Variants in RAD54B observed in about 807,000 individuals in gnomAD.
RAD54B encodes the protein DNA repair and recombination protein RAD54B.
A neutral mutation model predicts 95.8 loss-of-function variants in RAD54B; 78 were observed. The observed-to-expected ratio is 0.81, with a 90% confidence interval of 0.68 to 0.98. RAD54B has a LOEUF of 0.98. Among genes scored for constraint, RAD54B ranks in the 50% least tolerant of loss-of-function variants. The pLI is 0.00. For synonymous variants in RAD54B, 328 were observed against 354.9 expected, an observed-to-expected ratio of 0.92 and a Z score of 0.85; for missense variants, 957 against 1,056.6, an observed-to-expected ratio of 0.91 and a Z score of 1.31.
At chr8:94,464,487 G>C (rs143531567) in intron 2 of RAD54B, among the ~76,000 whole-genome samples, 1 of 152,180 alleles carries the variant, frequency 6.6e-6, no homozygotes, top group Admixed American at 6.5e-5. Flanking sequence ...TAATTCATTT[G>C]TGTTGTTTTA....
At position 94,431,149 on chromosome 8, in the gene RAD54B, A is replaced by G. The variant is rs1357355597; in HGVS notation, c.305-19834T>C. 4.3e-6 allele frequency: 4 copies of G among 923,768 alleles called. No homozygotes were observed. In the Admixed American group the frequency reaches 2.5e-4, roughly 57 times the overall value. 57.2% of individuals were successfully genotyped at this position (923,768 alleles called of 1,614,324 possible). A position where few individuals can be genotyped will look rare whatever the true frequency, so the allele number is the denominator to read the frequency against. On this transcript the variant is annotated intron_variant, in intron 3 of 14. Coordinates refer to ENST00000336148, the MANE Select transcript of RAD54B (RefSeq NM_012415.3). Reference sequence around the variant, plus strand: ...ATATAAATTTAATATGTATGCTTTAAGAATTGAGGTTTTATTTCCATGAAT... The same window carrying G: ...ATATAAATTTAATATGTATGCTTTAGGAATTGAGGTTTTATTTCCATGAAT...
intron 3 of RAD54B, chr8:94,427,990 T>C: frequency 1.1e-6 from 1 of 928,092 alleles, no homozygotes; most frequent in Non-Finnish European, 1.3e-6. Context: ...AGAAAAATAC[T>C]TGACTATTTT....
intron 3 of RAD54B, among the ~76,000 whole-genome samples, chr8:94,452,074 G>A (rs1420231105): frequency 6.6e-6 from 1 of 152,160 alleles, no homozygotes; most frequent in African/African-American, 2.4e-5. Context: ...GTTCATAGAT[G>A]GCACTGTCTC....
chr8:94,419,251 T>C (rs954670029), intron 3 of RAD54B, among the ~76,000 whole-genome samples: 1 of 152,224 alleles, frequency 6.6e-6, no homozygotes, highest in South Asian at 2.1e-4. Context: ...GGCTCACGCC[T>C]GTAATCCCAC....
At chr8:94,436,646 G>C in intron 3 of RAD54B, 1 of 1,550,530 alleles carries the variant, frequency 6.4e-7, no homozygotes. Flanking sequence ...TATTCTTTGA[G>C]CCTTTTATAA....
intron 3 of RAD54B, among the ~76,000 whole-genome samples, chr8:94,415,718 G>C: frequency 6.8e-6 from 1 of 147,272 alleles, no homozygotes; most frequent in Non-Finnish European, 1.5e-5. Flanking sequence ...GATATGAACA[G>C]ACACTTCTCA....
Position 94,372,241 on chromosome 8 carries a change from A to C in RAD54B, c.2662T>G (p.Phe888Val), listed in dbSNP as rs1477041500. Residue 888 changes from phenylalanine to valine, a missense_variant, in exon 15 of 15, where the codon TTT becomes GTT. Coordinates refer to ENST00000336148, the MANE Select transcript of RAD54B (RefSeq NM_012415.3). ...SGDHLNLTDP[F>V]LERITENVSF... Reference sequence around the variant, plus strand: ...ACATTTTCTGTTATTCTTTCAAGAAAAGGATCTGTAAGATTTAAATGATCT... The same window carrying C: ...ACATTTTCTGTTATTCTTTCAAGAACAGGATCTGTAAGATTTAAATGATCT... 6 of 1,612,368 alleles carry C rather than the reference A, an allele frequency of 3.7e-6. No homozygotes were observed. The highest frequency in any genetic ancestry group is 5.1e-6 in the Non-Finnish European group (6 of 1,179,542).
chr8:94,466,236 A>C, intron 2 of RAD54B, among the ~76,000 whole-genome samples: 1 of 152,230 alleles, frequency 6.6e-6, no homozygotes, highest in East Asian at 1.9e-4. Flanking sequence ...ATAACATAAA[A>C]GGATCAGGGA....
chr8:94,381,781 T>C (rs960289451), intron 11 of RAD54B, among the ~76,000 whole-genome samples: 4 of 152,084 alleles, frequency 2.6e-5, no homozygotes, highest in Non-Finnish European at 5.9e-5. Flanking sequence ...TGAGGTTCAA[T>C]ATCTGACTGA....
intron 3 of RAD54B, among the ~76,000 whole-genome samples, chr8:94,449,350 G>A (rs1812600003): frequency 6.6e-6 from 1 of 152,074 alleles, no homozygotes; most frequent in Non-Finnish European, 1.5e-5. Context: ...GCTCACGCCT[G>A]TAATCCCAGC....
At chr8:94,428,950 A>T in intron 3 of RAD54B, 8 of 983,230 alleles carry the variant, frequency 8.1e-6, no homozygotes, top group Non-Finnish European at 8.5e-6. Flanking sequence ...CAAATAAATA[A>T]TTTTCTTTAT....
At chr8:94,419,121 T>C (rs190788978) in intron 3 of RAD54B, among the ~76,000 whole-genome samples, 74 of 152,316 alleles carry the variant, frequency 4.9e-4, no homozygotes, top group African/African-American at 1.7e-3. Context: ...AGCCGACATA[T>C]TGCCAATATG....
intron 8 of RAD54B, among the ~76,000 whole-genome samples, chr8:94,394,752 G>A (rs1811103081): frequency 6.6e-6 from 1 of 152,166 alleles, no homozygotes; most frequent in Admixed American, 6.5e-5. Context: ...ATATCAGATG[G>A]CTTTCAAATA....
At chr8:94,393,904 T>A (rs1382608734) in intron 8 of RAD54B, 22 bp from the exon 9 acceptor site, 1 of 1,562,096 alleles carries the variant, frequency 6.4e-7, no homozygotes, top group Non-Finnish European at 8.6e-7. Context: ...CAAAAATGAG[T>A]AAAAGGTCAA....
chr8:94,380,396 C>T lies in RAD54B; in HGVS notation c.1996G>A (p.Val666Ile), dbSNP rs774280011. 1 of 1,588,108 alleles carries T rather than the reference C, an allele frequency of 6.3e-7. No individual in the cohort carries two copies. Among genetic ancestry groups the T allele is most frequent in the Non-Finnish European group, 8.6e-7 (1 of 1,165,176 alleles). ...TTCAAGGTTTGTGTATAGTTGGATA[C>T]CAACACCACCCTGTCAATCAAAAAG... ...ELRPTEKVVL[V>I]SNYTQTLNIL... Residue 666 changes from valine to isoleucine, a missense_variant, in exon 12 of 15, where the codon GTA becomes ATA. Coordinates refer to ENST00000336148, the MANE Select transcript of RAD54B (RefSeq NM_012415.3).
intron 3 of RAD54B, among the ~76,000 whole-genome samples, chr8:94,442,447 C>T (rs559829176): frequency 2.0e-5 from 3 of 152,002 alleles, no homozygotes; most frequent in South Asian, 2.1e-4. Context: ...TGGTGGCAGG[C>T]GCCTGTAGTC....
intron 3 of RAD54B, chr8:94,436,455 G>C (rs1289072424): frequency 6.7e-7 from 1 of 1,487,976 alleles, no homozygotes; most frequent in Admixed American, 2.4e-5. Context: ...ATAGATAGGA[G>C]GCGCCATAAT....
chr8:94,413,827 CTTTT>C (rs34318667), intron 3 of RAD54B, among the ~76,000 whole-genome samples: 1 of 139,164 alleles, frequency 7.2e-6, no homozygotes, highest in South Asian at 2.3e-4. Flanking sequence ...AATAATTATT[CTTTT>C]TTTTTTTTCT....
At chr8:94,464,353 G>T (rs1206944504) in intron 2 of RAD54B, among the ~76,000 whole-genome samples, 1 of 152,144 alleles carries the variant, frequency 6.6e-6, no homozygotes, top group Admixed American at 6.5e-5. Context: ...GGAATGTGGT[G>T]ACCTGTAGAA....
Sources: gnomAD v4.1 joint callset for allele counts (sites outside exome capture counted in the v4.1 genomes callset) on GRCh38, gnomAD v4.1.1 for gene constraint, MANE v1.5 for transcripts, NCBI Gene and HGNC (gene_info 2026-07-23, HGNC 2026-07-21) for gene names.